The following CDKL3 variants were observed in gnomAD, a reference collection of about 807,000 sequenced individuals.
CDKL3 encodes the protein cyclin-dependent kinase-like 3.
Under a neutral mutation model 69.3 loss-of-function variants are expected in CDKL3, and 65 were observed. The ratio of observed to expected loss-of-function variants is 0.94; its 90% CI spans 0.77 to 1.15. The LOEUF (loss-of-function observed/expected upper bound fraction) is 1.15, where lower values mean the gene tolerates loss of function less well. Among genes scored for constraint, CDKL3 ranks in the 50% most tolerant of loss-of-function variants. The probability of loss-of-function intolerance (pLI) is 0.00; values close to 1 mark genes in which losing one functional copy is unlikely to be tolerated. For missense variants in CDKL3, 652 were observed against 689.2 expected (o/e 0.95, Z 0.61); for synonymous variants, 202 against 221.6 (o/e 0.91, Z 0.79).
intron 7 of CDKL3, among the ~76,000 whole-genome samples, chr5:134,309,546 T>C (rs552742915): frequency 6.6e-6 from 1 of 152,344 alleles, no homozygotes; most frequent in East Asian, 1.9e-4. Flanking sequence ...AGTCCATTCA[T>C]GTGGTTCAAA....
chr5:134,305,640 G>T (rs1331228681), intron 10 of CDKL3, among the ~76,000 whole-genome samples: 1 of 152,102 alleles, frequency 6.6e-6, no homozygotes, highest in Non-Finnish European at 1.5e-5. Context: ...ATAAAATCTT[G>T]TCTAGATCAA....
At chr5:134,349,984 T>C (rs1371142307) in intron 4 of CDKL3, among the ~76,000 whole-genome samples, 1 of 152,060 alleles carries the variant, frequency 6.6e-6, no homozygotes, top group Admixed American at 6.6e-5. Flanking sequence ...GGTCAGGAGT[T>C]CGAAACCAGC....
intron 4 of CDKL3, among the ~76,000 whole-genome samples, chr5:134,336,704 G>A (rs891989377): frequency 4.6e-5 from 7 of 152,244 alleles, no homozygotes; most frequent in South Asian, 2.1e-4. Context: ...TGGAAGTTTC[G>A]TCCCAGAGGG....
chr5:134,367,156 G>C lies in CDKL3; in HGVS notation c.-201C>G. Reference sequence around the variant, plus strand: ...CACTTGCCACCATGGAAACGCCGGCGGAGTTGCTGCGTTCTAGACTCGTGC... The same window carrying C: ...CACTTGCCACCATGGAAACGCCGGCCGAGTTGCTGCGTTCTAGACTCGTGC... On this transcript the variant is annotated 5_prime_UTR_variant, in exon 1 of 13. Coordinates refer to ENST00000265334, the MANE Select transcript of CDKL3 (RefSeq NM_001113575.2). 2.0e-6 allele frequency: 2 copies of C among 985,728 alleles called. No homozygotes were observed. Among genetic ancestry groups the C allele is most frequent in the African/African-American group, 1.7e-5 (1 of 57,352 alleles). The allele number at this position is 985,728 out of a possible 1,614,324, so 61.1% of individuals were successfully genotyped here.
chr5:134,303,534 T>C (rs956968076), intron 11 of CDKL3, among the ~76,000 whole-genome samples: 9 of 152,082 alleles, frequency 5.9e-5, no homozygotes, highest in South Asian at 2.1e-4. Flanking sequence ...TTCAACAACA[T>C]TGAGCTAATA....
intron 7 of CDKL3, 31 bp from the exon 8 acceptor site, chr5:134,308,758 C>CT: frequency 6.5e-7 from 1 of 1,541,032 alleles, no homozygotes. Context: ...AACGAGTAAT[C>CT]TTTTTATATA....
At chr5:134,336,113 C>T (rs1447688991) in intron 4 of CDKL3, among the ~76,000 whole-genome samples, 1 of 152,162 alleles carries the variant, frequency 6.6e-6, no homozygotes, top group Non-Finnish European at 1.5e-5. Context: ...TTGATCAAAT[C>T]AGCTATTGAA....
At chr5:134,326,821 A>ATATATATATGTGTGTGTG (rs1456545689) in intron 4 of CDKL3, among the ~76,000 whole-genome samples, 1 of 105,558 alleles carries the variant, frequency 9.5e-6, no homozygotes, top group East Asian at 2.4e-4. Context: ...GTGTGTGTAT[A>ATATATATATGTGTGTGTG]TATATATATA....
intron 4 of CDKL3, among the ~76,000 whole-genome samples, chr5:134,340,259 T>C (rs1383017075): frequency 6.6e-6 from 1 of 152,168 alleles, no homozygotes; most frequent in Non-Finnish European, 1.5e-5. Context: ...TGTATAGCTG[T>C]AATGCCTATA....
chr5:134,286,256 G>A (rs1046641899), downstream of CDKL3: 1 of 152,388 alleles, frequency 6.6e-6, no homozygotes, highest in Non-Finnish European at 1.5e-5. Flanking sequence ...AACATAACAA[G>A]AGTCACCTTT....
Position 134,366,479 on chromosome 5 carries a change from G to GT in CDKL3, c.44dup (p.Tyr15Ter). 6.2e-7 allele frequency: 1 copy of GT among 1,607,392 alleles called. No individual in the cohort carries two copies. Among genetic ancestry groups the GT allele is most frequent in the South Asian group, 1.1e-5 (1 of 89,348 alleles). ...TATGTTTACATTTCATGACTGTTCC[G>GT]TAACTTCCCTCTCCCACTTTTCCAA... ...ETLGKVGEGS[Y>*]GTVMKCKHKN... The change falls in exon 2 of 13, where the codon TAC (tyrosine) becomes TAAC (stop). Residue 15 changes from tyrosine (Y) to a stop codon, truncating the protein, a stop_gained and frameshift_variant. Coordinates refer to ENST00000265334, the MANE Select transcript of CDKL3 (RefSeq NM_001113575.2). LOFTEE classifies it high-confidence loss of function.
intron 12 of CDKL3, among the ~76,000 whole-genome samples, chr5:134,301,811 C>T (rs538100410): frequency 1.5e-3 from 231 of 152,106 alleles, no homozygotes; most frequent in Middle Eastern, 3.4e-3. Context: ...TGCTTGAACC[C>T]GGGAGGCAGA....
intron 4 of CDKL3, among the ~76,000 whole-genome samples, chr5:134,326,815 GTGTATATATATATATATATA>G (rs1397246192): frequency 2.9e-4 from 24 of 81,516 alleles, no homozygotes; most frequent in African/African-American, 7.9e-4. Flanking sequence ...ATATATGTGT[GTGTATATATATATATATATA>G]TATATATATA....
intron 5 of CDKL3, among the ~76,000 whole-genome samples, chr5:134,320,375 G>A (rs930188481): frequency 6.6e-6 from 1 of 151,842 alleles, no homozygotes; most frequent in South Asian, 2.1e-4. Flanking sequence ...CAGCACTTTG[G>A]GAGGCCGAGT....
rs1773552020 is a variant in CDKL3, at chr5:134,324,334, T to A, written c.540-2431A>T. Among the ~76,000 whole-genome samples the A allele has an allele frequency of 2.0e-5, 3 of 152,180 alleles. No individual in the cohort carries two copies. In the South Asian group the frequency reaches 6.2e-4, roughly 32 times the overall value. On this transcript the variant is annotated intron_variant, in intron 4 of 12. Transcript: ENST00000265334. ...TCTTACCATACAACCCAGCAATTGCTCTCCTTGGGATTTACCCAAGTGAGT... is the reference window on the plus strand; with the variant it reads ...TCTTACCATACAACCCAGCAATTGCACTCCTTGGGATTTACCCAAGTGAGT...
intron 4 of CDKL3, among the ~76,000 whole-genome samples, chr5:134,331,826 G>C (rs892863057): frequency 6.6e-6 from 1 of 152,146 alleles, no homozygotes; most frequent in African/African-American, 2.4e-5. Context: ...CCAGTAATGG[G>C]ATTGCTGGGT....
downstream of CDKL3, among the ~76,000 whole-genome samples, chr5:134,285,046 A>C (rs1764798875): frequency 6.6e-6 from 1 of 152,212 alleles, no homozygotes; most frequent in Non-Finnish European, 1.5e-5. Flanking sequence ...TTGATTGGGG[A>C]AGTGATAAAT....
chr5:134,346,380 T>C (rs1390014172), intron 4 of CDKL3, among the ~76,000 whole-genome samples: 1 of 152,264 alleles, frequency 6.6e-6, no homozygotes, highest in African/African-American at 2.4e-5. Flanking sequence ...TTTTCATTTA[T>C]GAAGGCTTCC....
upstream of CDKL3, chr5:134,371,332 C>T (rs1758379907): frequency 3.4e-6 from 2 of 582,876 alleles, no homozygotes; most frequent in Non-Finnish European, 6.1e-6. Context: ...GGGGGAACCG[C>T]GCCCCGCTGA....
Sources: gnomAD v4.1 joint callset for allele counts (sites outside exome capture counted in the v4.1 genomes callset) on GRCh38, gnomAD v4.1.1 for gene constraint, MANE v1.5 for transcripts, NCBI Gene and HGNC (gene_info 2026-07-23, HGNC 2026-07-21) for gene names.